The following PCDHGA4 variants were observed in gnomAD, a reference collection of about 807,000 sequenced individuals.
The protein encoded by PCDHGA4 is protocadherin gamma-A4.
PCDHGA4 carries 38 observed loss-of-function variants against 54.6 expected under a neutral mutation model. That is an observed-to-expected ratio of 0.70 (90% CI 0.54 to 0.91). The LOEUF (loss-of-function observed/expected upper bound fraction) is 0.91, where lower values mean the gene tolerates loss of function less well. PCDHGA4 is among the 40% of genes least tolerant of loss of function. The pLI is 0.00. For missense variants in PCDHGA4, 1,298 were observed against 1,220.9 expected (o/e 1.06, Z -0.94); for synonymous variants, 511 against 512.9 (o/e 1.00, Z 0.05).
intron 1 of PCDHGA4, chr5:141,478,753 G>A (rs2099475642): frequency 2.0e-6 from 3 of 1,519,424 alleles, no homozygotes; most frequent in Admixed American, 2.1e-5. Context: ...ATTTCAGGGG[G>A]AAGATACTTG....
rs768132114 is a variant in PCDHGA4 at position 141,489,845 on chromosome 5, G to A, written c.2515-4962G>A. 5 of 1,614,188 alleles carry A rather than the reference G, an allele frequency of 3.1e-6. No homozygotes were observed. The highest frequency in any genetic ancestry group is 2.2e-5 in the South Asian group (2 of 91,088). On this transcript the variant is annotated intron_variant, in intron 1 of 3. Transcript: ENST00000571252. This position sits in a 1 kb window ranked among gnomAD's most constrained non-coding sequence, Gnocchi z 4.5. ...CTGGTGCTAGAGCAGCAGCTGGATC[G>A]TGAAGCCCAGGCAAGACATCAGCTG...
intron 1 of PCDHGA4, chr5:141,408,105 G>T (rs566753835): frequency 2.6e-5 from 37 of 1,439,788 alleles, no homozygotes; most frequent in Non-Finnish European, 3.2e-5. Flanking sequence ...TCCGAGACCC[G>T]GGACTCCTCC....
At chr5:141,393,914 C>T (rs765664879) in intron 1 of PCDHGA4, 2 of 1,613,932 alleles carry the variant, frequency 1.2e-6, no homozygotes, top group South Asian at 2.2e-5. Flanking sequence ...CAGTAATTGC[C>T]TTCTTGAGTG....
intron 1 of PCDHGA4, chr5:141,423,526 A>G (rs1229909527): frequency 6.2e-7 from 1 of 1,613,690 alleles, no homozygotes; most frequent in Non-Finnish European, 8.5e-7. Flanking sequence ...CTCGCAGAAG[A>G]GTCACCTGAT....
At chr5:141,414,198 A>G (rs1561747621) in intron 1 of PCDHGA4, 2 of 1,611,542 alleles carry the variant, frequency 1.2e-6, no homozygotes, top group Non-Finnish European at 1.7e-6. Flanking sequence ...TGATTACAGT[A>G]GAAGATGTAA....
chr5:141,470,794 C>T (rs1332287628), intron 1 of PCDHGA4, among the ~76,000 whole-genome samples: 1 of 152,162 alleles, frequency 6.6e-6, no homozygotes, highest in African/African-American at 2.4e-5. Flanking sequence ...CTCAAGCAAT[C>T]CTCCCACTTC....
At position 141,489,297 on chromosome 5, in the gene PCDHGA4, G is replaced by A. The variant is rs184934961; in HGVS notation, c.2515-5510G>A. 5.1e-6 allele frequency: 8 copies of A among 1,583,774 alleles called. No homozygotes were observed. Among genetic ancestry groups the A allele is most frequent in the Non-Finnish European group, 6.9e-6 (8 of 1,164,904 alleles). ...GGAAATGGCAAGTGCTGTGCATGTT[G>A]TCCTTGTGCTGCTGGGGCTGGGTGT... is the stretch of plus-strand genomic sequence containing the variant. On this transcript the variant is annotated intron_variant, in intron 1 of 3. Coordinates refer to ENST00000571252, the MANE Select transcript of PCDHGA4 (RefSeq NM_018917.4). This position sits in a 1 kb window ranked among gnomAD's most constrained non-coding sequence, Gnocchi z 4.5.
intron 1 of PCDHGA4, among the ~76,000 whole-genome samples, chr5:141,488,493 C>T (rs1594759823): frequency 6.6e-6 from 1 of 152,226 alleles, no homozygotes; most frequent in East Asian, 1.9e-4. Context: ...AAAACTGTAA[C>T]ACTCATTCCA....
intron 1 of PCDHGA4, chr5:141,382,889 G>A: frequency 2.0e-5 from 30 of 1,532,432 alleles, no homozygotes; most frequent in Non-Finnish European, 2.5e-5. Context: ...AGCAAGAGAA[G>A]CAGGACGACT....
At position 141,476,881 on chromosome 5, in the gene PCDHGA4, G is replaced by A. The variant is rs1458703890; in HGVS notation, c.2515-17926G>A. On this transcript the variant is annotated intron_variant, in intron 1 of 3. Coordinates refer to ENST00000571252, the MANE Select transcript of PCDHGA4 (RefSeq NM_018917.4). The surrounding 1 kb of genome is among the most constrained non-coding windows in gnomAD (Gnocchi z 7.6). The stretch of plus-strand genomic sequence containing the variant: ...CCTTGTACCGGGCGCGCGTCCTGGA[G>A]GATGCACCCTCCGGCACGCGCGTGG... 1.9e-6 allele frequency: 3 copies of A among 1,613,874 alleles called. No homozygotes were observed. Among genetic ancestry groups the A allele is most frequent in the Middle Eastern group, 1.6e-4 (1 of 6,084 alleles).
chr5:141,386,424 C>A (rs1233589909), intron 1 of PCDHGA4, among the ~76,000 whole-genome samples: 1 of 151,904 alleles, frequency 6.6e-6, no homozygotes, highest in Non-Finnish European at 1.5e-5. Flanking sequence ...AAGCTGTAGC[C>A]CACCTGCATG....
At chr5:141,383,254 A>G (rs1482301595) in intron 1 of PCDHGA4, 1 of 1,613,948 alleles carries the variant, frequency 6.2e-7, no homozygotes, top group African/African-American at 1.3e-5. Context: ...TCTTTACCCT[A>G]TAGACGTGGA....
chr5:141,425,890 G>A (rs943076854), intron 1 of PCDHGA4, among the ~76,000 whole-genome samples: 1 of 152,118 alleles, frequency 6.6e-6, no homozygotes, highest in Non-Finnish European at 1.5e-5. Flanking sequence ...AATCTTCTTT[G>A]GTAGTAAACA....
Position 141,356,933 on chromosome 5 carries a change from C to A in PCDHGA4, c.1826C>A (p.Ala609Glu). ...GATGGCTCCACTGGTGTGGAGCTGG[C>A]ACCCCGCTCCGCAGATTCCGGCTAC... Reference protein sequence around the residue: ...PTDGSTGVELAPRSADSGYLV... With the variant: ...PTDGSTGVELEPRSADSGYLV... The change falls in exon 1 of 4, where the codon GCA (alanine) becomes GAA (glutamate). Residue 609 changes from alanine to glutamate, a missense_variant. Coordinates refer to ENST00000571252, the MANE Select transcript of PCDHGA4 (RefSeq NM_018917.4). 6.2e-7 allele frequency: 1 copy of A among 1,614,184 alleles called. No individual in the cohort carries two copies. Among genetic ancestry groups the A allele is most frequent in the South Asian group, 1.1e-5 (1 of 91,084 alleles).
intron 1 of PCDHGA4, chr5:141,400,212 C>A (rs773459521): frequency 6.2e-7 from 1 of 1,614,058 alleles, no homozygotes; most frequent in East Asian, 2.2e-5. Context: ...TGGCCTTGAT[C>A]TCAGTGCTCT....
chr5:141,455,343 G>T (rs1462807460), intron 1 of PCDHGA4, among the ~76,000 whole-genome samples: 1 of 152,036 alleles, frequency 6.6e-6, no homozygotes, highest in Non-Finnish European at 1.5e-5. Flanking sequence ...TTTAAGGAGC[G>T]GAGAGTTTAA....
rs1264688160 is a variant in PCDHGA4, at chr5:141,493,193, G to A, written c.2515-1614G>A. 6.6e-6 allele frequency among the ~76,000 whole-genome samples: 1 copy of A among 152,128 alleles called. No individual in the cohort carries two copies. On this transcript the variant is annotated intron_variant, in intron 1 of 3. Transcript: ENST00000571252. This position sits in a 1 kb window ranked among gnomAD's most constrained non-coding sequence, Gnocchi z 4.3. ...GAGAAACTTACTATATAACTCCTTT[G>A]AGAACCTCATCTCATTTGCTCTTCC...
chr5:141,501,290 T>TACACACAC (rs55762287), intron 2 of PCDHGA4, among the ~76,000 whole-genome samples: 94 of 136,244 alleles, frequency 6.9e-4, no homozygotes, highest in Admixed American at 2.2e-3. Context: ...TATTCCCTTA[T>TACACACAC]ACACACACAC....
intron 1 of PCDHGA4, among the ~76,000 whole-genome samples, chr5:141,435,561 T>A (rs2154556722): frequency 6.6e-6 from 1 of 152,294 alleles, no homozygotes; most frequent in South Asian, 2.1e-4. Flanking sequence ...TGAGTGCTTT[T>A]TTTAGTACTG....
Sources: allele counts gnomAD v4.1 joint callset (sites outside exome capture counted in the v4.1 genomes callset), GRCh38; gene constraint gnomAD v4.1.1; non-coding constraint Gnocchi (gnomAD v3.1); transcripts MANE v1.5; gene names NCBI Gene and HGNC (gene_info 2026-07-23, HGNC 2026-07-21).